PBX3: variants seen among roughly 807,000 people sequenced by gnomAD.
The protein encoded by PBX3 is PBX homeobox 3.
Under a neutral mutation model 48.5 loss-of-function variants are expected in PBX3, and 14 were observed. The ratio of observed to expected loss-of-function variants is 0.29; its 90% CI spans 0.19 to 0.45. PBX3 has a LOEUF of 0.45. Among genes scored for constraint, PBX3 ranks in the 20% least tolerant of loss-of-function variants. PBX3 has a pLI of 1.00. For synonymous variants in PBX3, 210 were observed against 200.3 expected, an observed-to-expected ratio of 1.05 and a Z score of -0.41; for missense variants, 386 against 546.7, an observed-to-expected ratio of 0.71 and a Z score of 2.93.
chr9:125,866,899 A>G (rs547873341), intron 2 of PBX3, among the ~76,000 whole-genome samples: 44 of 152,192 alleles, frequency 2.9e-4, no homozygotes, highest in Admixed American at 6.5e-4. Flanking sequence ...TTAGGCAACT[A>G]AATTTTTTGT....
At chr9:125,948,706 G>A (rs576261860) in intron 5 of PBX3, among the ~76,000 whole-genome samples, 8 of 29,654 alleles carry the variant, frequency 2.7e-4, no homozygotes, top group South Asian at 4.7e-3. Context: ...AGGTATATAC[G>A]TGTGTGTGTG....
intron 2 of PBX3, among the ~76,000 whole-genome samples, chr9:125,757,801 A>C (rs1836560522): frequency 6.6e-6 from 1 of 152,220 alleles, no homozygotes; most frequent in Non-Finnish European, 1.5e-5. Context: ...TTTCTCAGAA[A>C]TTATAGCACA....
intron 2 of PBX3, among the ~76,000 whole-genome samples, chr9:125,835,051 A>T (rs11792188): frequency 0.67 from 72,792 of 107,980 alleles, 25,095 homozygotes; most frequent in African/African-American, 0.79. Flanking sequence ...AAAAAAAAAA[A>T]GGGCAAAAGA....
At chr9:125,886,105 G>A (rs2132366382) in intron 2 of PBX3, among the ~76,000 whole-genome samples, 1 of 152,204 alleles carries the variant, frequency 6.6e-6, no homozygotes, top group Middle Eastern at 3.4e-3. Flanking sequence ...TATTTTGAGT[G>A]ATGGGTAGAT....
chr9:125,791,345 A>ATCTATCTATCTATCTATCTG (rs781448108), intron 2 of PBX3, among the ~76,000 whole-genome samples: 1 of 149,350 alleles, frequency 6.7e-6, no homozygotes, highest in African/African-American at 2.5e-5. Context: ...CTATCTATCT[A>ATCTATCTATCTATCTATCTG]TCTCTGTCAA....
intron 3 of PBX3, among the ~76,000 whole-genome samples, chr9:125,918,232 C>A (rs1446027768): frequency 3.3e-5 from 5 of 152,206 alleles, no homozygotes; most frequent in Non-Finnish European, 7.3e-5. Context: ...TCCATACACT[C>A]TGGTGGAAGT....
chr9:125,958,396 C>G (rs968128749), intron 5 of PBX3, among the ~76,000 whole-genome samples: 2 of 152,212 alleles, frequency 1.3e-5, no homozygotes, highest in African/African-American at 4.8e-5. Flanking sequence ...GCATATGGGG[C>G]TCAAGGAAGG....
In PBX3 at chr9:125,824,075, CAA is replaced by C. The variant is rs57963250; in HGVS notation, c.274+75467_274+75468del. 5.7e-4 allele frequency among the ~76,000 whole-genome samples: 61 copies of C among 107,692 alleles called. No individual in the cohort carries two copies. The East Asian group carries it at 6.6e-3, about 12-fold the overall frequency. The allele number at this position is 107,692 out of a possible 152,430, so 70.7% of individuals were successfully genotyped here. Reference sequence around the variant, plus strand: ...TGGGTGACAGAGCAAGACTTTGTCTCAAAAAAAAAAAAAAAATGTAGGCTAAA... The same window carrying C: ...TGGGTGACAGAGCAAGACTTTGTCTCAAAAAAAAAAAAAATGTAGGCTAAA... On this transcript the variant is annotated intron_variant, in intron 2 of 8. Coordinates refer to ENST00000373489, the MANE Select transcript of PBX3 (RefSeq NM_006195.6).
At chr9:125,946,649 C>T (rs1461104706) in intron 5 of PBX3, among the ~76,000 whole-genome samples, 3 of 151,650 alleles carry the variant, frequency 2.0e-5, no homozygotes, top group African/African-American at 7.3e-5. Context: ...AGAAGAGTCC[C>T]AAGAAAATAA....
At chr9:125,808,194 A>AT (rs1158644374) in intron 2 of PBX3, among the ~76,000 whole-genome samples, 1 of 152,168 alleles carries the variant, frequency 6.6e-6, no homozygotes, top group African/African-American at 2.4e-5. Flanking sequence ...TGGGGAAACA[A>AT]TTTTTTTGTT....
chr9:125,849,894 G>C (rs533499822), intron 2 of PBX3, among the ~76,000 whole-genome samples: 1 of 152,020 alleles, frequency 6.6e-6, no homozygotes, highest in South Asian at 2.1e-4. Context: ...AACTGTTTGG[G>C]TGTTTTCAGA....
chr9:125,908,029 T>C lies in PBX3; in HGVS notation c.275-7657T>C, dbSNP rs374160286. ...TGCTCAATGTGTTTGAATTTGAACA[T>C]AGAGGATTTTTAGGCTAAGTAATAG... On this transcript the variant is annotated intron_variant, in intron 2 of 8. Coordinates refer to ENST00000373489, the MANE Select transcript of PBX3 (RefSeq NM_006195.6). 4.6e-5 allele frequency among the ~76,000 whole-genome samples: 7 copies of C among 152,212 alleles called. 1 individual carries two copies. Among genetic ancestry groups the C allele is most frequent in the East Asian group, 3.9e-4 (2 of 5,160 alleles).
At chr9:125,955,163 TC>T (rs1842276162) in intron 5 of PBX3, among the ~76,000 whole-genome samples, 1 of 108,840 alleles carries the variant, frequency 9.2e-6, no homozygotes, top group Non-Finnish European at 2.2e-5. Context: ...CTTTCTGAAC[TC>T]CACTGCTATA....
At chr9:125,835,015 C>CAAAAAAAAAAAAAA (rs745638368) in intron 2 of PBX3, among the ~76,000 whole-genome samples, 1 of 25,170 alleles carries the variant, frequency 4.0e-5, no homozygotes. Flanking sequence ...AACTCTGTCT[C>CAAAAAAAAAAAAAA]AAAAAAAAAA....
Position 125,960,787 on chromosome 9 carries a change from C to T in PBX3, c.947C>T (p.Ala316Val). 1.2e-6 allele frequency: 2 copies of T among 1,614,210 alleles called. No individual in the cohort carries two copies. Among genetic ancestry groups the T allele is most frequent in the Non-Finnish European group, 1.7e-6 (2 of 1,180,036 alleles). Residue 316 changes from alanine to valine, a missense_variant, in exon 6 of 9, where the codon GCA becomes GTA. By Grantham distance (64) the Ala-to-Val change is moderately conservative (BLOSUM62 0). Transcript: ENST00000373489. ...GCTGCAAAGACGGCCGTGACAGCTG[C>T]ACACGCAGTAGCAGCAGCTGTGCAG... ...LYAAKTAVTA[A>V]HAVAAAVQNN...
At chr9:125,862,655 G>A (rs992230002) in intron 2 of PBX3, among the ~76,000 whole-genome samples, 4 of 152,024 alleles carry the variant, frequency 2.6e-5, no homozygotes, top group African/African-American at 9.7e-5. Context: ...AAAGTGCTGG[G>A]ATTACAGGTG....
chr9:125,747,755 C>G, intron 1 of PBX3, 102 bp downstream of exon 1: 1 of 847,150 alleles, frequency 1.2e-6, no homozygotes, highest in Non-Finnish European at 1.7e-6. Context: ...CCGCAGCCCC[C>G]GGCGGGGAAC....
At chr9:125,909,653 C>T (rs1841157861) in intron 2 of PBX3, among the ~76,000 whole-genome samples, 2 of 152,046 alleles carry the variant, frequency 1.3e-5, no homozygotes, top group African/African-American at 2.4e-5. Context: ...TTGCTAGGAA[C>T]GTGAAGAAAC....
intron 2 of PBX3, among the ~76,000 whole-genome samples, chr9:125,837,020 C>T (rs556491640): frequency 6.6e-6 from 1 of 152,248 alleles, no homozygotes; most frequent in African/African-American, 2.4e-5. Context: ...CTAGCAATTG[C>T]AATTCTTGGC....
Sources: allele counts gnomAD v4.1 joint callset (sites outside exome capture counted in the v4.1 genomes callset), GRCh38; gene constraint gnomAD v4.1.1; transcripts MANE v1.5; gene names NCBI Gene and HGNC (gene_info 2026-07-23, HGNC 2026-07-21).